CDC14B: variants seen among roughly 807,000 people sequenced by gnomAD.
CDC14B encodes the protein cell division cycle 14B.
A neutral mutation model predicts 64.2 loss-of-function variants in CDC14B; 22 were observed. The observed-to-expected ratio is 0.34, with a 90% CI of 0.24 to 0.49. CDC14B has a LOEUF of 0.49. Among genes scored for constraint, CDC14B ranks in the 20% least tolerant of loss-of-function variants. The pLI is 0.99. For missense variants in CDC14B, 498 were observed against 629.9 expected (o/e 0.79, Z 2.24); for synonymous variants, 191 against 215.8 (o/e 0.89, Z 1.01).
chr9:96,522,633 G>A (rs1408311864), intron 11 of CDC14B, 30 bp from the exon 12 acceptor site: 1 of 1,404,802 alleles, frequency 7.1e-7, no homozygotes, highest in Non-Finnish European at 1.0e-6. Context: ...CTGAGCTAAT[G>A]ATTTAAGTTG....
chr9:96,606,332 C>CAAAA lies in CDC14B; in HGVS notation c.160+12883_160+12886dup, dbSNP rs772460843. Among the ~76,000 whole-genome samples the CAAAA allele has an allele frequency of 6.2e-4, 13 of 21,046 alleles. 1 individual carries two copies. Among genetic ancestry groups the CAAAA allele is most frequent in the African/African-American group, 1.1e-3 (10 of 9,184 alleles). 13.8% of individuals were successfully genotyped at this position (21,046 alleles called of 152,430 possible). A position where few individuals can be genotyped will look rare whatever the true frequency, so the allele number is the denominator to read the frequency against. The stretch of plus-strand genomic sequence containing the variant: ...TGGGGAACAGGGCAAGACTCCATCT[C>CAAAA]AAAAAAAAAAAAAAAAAAAAAAAAA... On this transcript the variant is annotated intron_variant, in intron 1 of 13. Coordinates refer to ENST00000375241, the MANE Select transcript of CDC14B (RefSeq NM_033331.4).
At chr9:96,517,003 G>A (rs1835773321) in intron 12 of CDC14B, among the ~76,000 whole-genome samples, 1 of 151,752 alleles carries the variant, frequency 6.6e-6, no homozygotes, top group Non-Finnish European at 1.5e-5. Flanking sequence ...GGTTAGGCTG[G>A]TCTTGAACTC....
intron 5 of CDC14B, among the ~76,000 whole-genome samples, chr9:96,547,955 A>T (rs1428836910): frequency 6.6e-6 from 1 of 152,086 alleles, no homozygotes; most frequent in Non-Finnish European, 1.5e-5. Context: ...CCTCCTGAGT[A>T]GCTGGGACTA....
chr9:96,553,704 T>G (rs531212876), intron 4 of CDC14B, among the ~76,000 whole-genome samples: 2 of 152,124 alleles, frequency 1.3e-5, no homozygotes, highest in South Asian at 4.2e-4. Flanking sequence ...TCATGAAAAT[T>G]AAAACATTTA....
intron 13 of CDC14B, among the ~76,000 whole-genome samples, chr9:96,506,285 C>A (rs1342965231): frequency 2.6e-5 from 4 of 152,106 alleles, no homozygotes; most frequent in African/African-American, 9.7e-5. Flanking sequence ...AGACCGTGCA[C>A]CAATATACTA....
At chr9:96,580,867 T>A (rs1008306579) in intron 1 of CDC14B, among the ~76,000 whole-genome samples, 5 of 152,204 alleles carry the variant, frequency 3.3e-5, no homozygotes, top group Non-Finnish European at 7.3e-5. Flanking sequence ...AAAACCTAAT[T>A]GCATGATATA....
chr9:96,518,910 G>A (rs1836193744), intron 12 of CDC14B, among the ~76,000 whole-genome samples: 1 of 152,136 alleles, frequency 6.6e-6, no homozygotes, highest in Admixed American at 6.6e-5. Context: ...GCCAAGGTGG[G>A]CAGATCACGA....
downstream of CDC14B, among the ~76,000 whole-genome samples, chr9:96,496,528 A>G (rs567551588): frequency 6.6e-6 from 1 of 152,318 alleles, no homozygotes; most frequent in African/African-American, 2.4e-5. Flanking sequence ...GTCAGCCGTT[A>G]CCCTCCAGCC....
chr9:96,579,175 T>C (rs1226984133), intron 1 of CDC14B, among the ~76,000 whole-genome samples: 1 of 152,162 alleles, frequency 6.6e-6, no homozygotes, highest in Non-Finnish European at 1.5e-5. Context: ...GACTGAATTG[T>C]GTCCCTAAAA....
At chr9:96,561,565 A>G (rs1587975771) in intron 4 of CDC14B, among the ~76,000 whole-genome samples, 1 of 151,024 alleles carries the variant, frequency 6.6e-6, no homozygotes, top group African/African-American at 2.4e-5. Context: ...TGCAAGCTCC[A>G]CCTCCCGGGT....
intron 1 of CDC14B, among the ~76,000 whole-genome samples, chr9:96,577,238 G>A (rs1264827722): frequency 7.0e-6 from 1 of 143,682 alleles, no homozygotes; most frequent in Non-Finnish European, 1.5e-5. Flanking sequence ...GTGACAGAGC[G>A]AGACTCCATC....
chr9:96,514,013 A>C (rs1388539927), intron 12 of CDC14B, among the ~76,000 whole-genome samples: 4 of 152,226 alleles, frequency 2.6e-5, no homozygotes, highest in Non-Finnish European at 4.4e-5. Context: ...GGGGTGCTAC[A>C]AAGATGATAC....
intron 1 of CDC14B, among the ~76,000 whole-genome samples, chr9:96,578,749 G>T (rs1313071813): frequency 2.0e-5 from 3 of 152,206 alleles, no homozygotes; most frequent in Non-Finnish European, 2.9e-5. Flanking sequence ...AATAGAGAAA[G>T]GTTAATGGGA....
chr9:96,565,912 G>C (rs2132331898), intron 1 of CDC14B, among the ~76,000 whole-genome samples: 1 of 152,172 alleles, frequency 6.6e-6, no homozygotes, highest in Admixed American at 6.5e-5. Context: ...TTTTCTTAAA[G>C]GGAAAGAATG....
intron 12 of CDC14B, among the ~76,000 whole-genome samples, chr9:96,518,160 G>A (rs1343273107): frequency 6.6e-6 from 1 of 152,160 alleles, no homozygotes; most frequent in African/African-American, 2.4e-5. Context: ...AATCAATTTG[G>A]AAATGGCTGA....
intron 1 of CDC14B, among the ~76,000 whole-genome samples, chr9:96,597,049 C>A (rs991546278): frequency 6.6e-6 from 1 of 151,940 alleles, no homozygotes; most frequent in Admixed American, 6.6e-5. Flanking sequence ...CTCAAGCACA[C>A]GAAACATAAA....
At chr9:96,603,823 T>G (rs1477836248) in intron 1 of CDC14B, among the ~76,000 whole-genome samples, 1 of 152,138 alleles carries the variant, frequency 6.6e-6, no homozygotes, top group African/African-American at 2.4e-5. Context: ...AAGGTACCGA[T>G]AGTAAACAGC....
chr9:96,504,523 C>A (rs1252260681), intron 13 of CDC14B, among the ~76,000 whole-genome samples: 1 of 152,174 alleles, frequency 6.6e-6, no homozygotes. Flanking sequence ...TTCAGAGATC[C>A]CAACAGAGCA....
intron 9 of CDC14B, among the ~76,000 whole-genome samples, chr9:96,531,416 GT>G (rs1274048168): frequency 6.6e-6 from 1 of 152,000 alleles, no homozygotes; most frequent in Non-Finnish European, 1.5e-5. Flanking sequence ...CCAATTTGTT[GT>G]CCTACAATAC....
Sources: allele counts gnomAD v4.1 joint callset (sites outside exome capture counted in the v4.1 genomes callset), GRCh38; gene constraint gnomAD v4.1.1; transcripts MANE v1.5; gene names NCBI Gene and HGNC (gene_info 2026-07-23, HGNC 2026-07-21).